C17orf67: variants seen among roughly 807,000 people sequenced by gnomAD.
The protein encoded by C17orf67 is uncharacterized protein C17orf67.
In C17orf67, 12 loss-of-function variants were observed where a neutral mutation model predicts 11.2. That is an observed-to-expected ratio of 1.07 (90% CI 0.68 to 1.73). The LOEUF is 1.73. Ranked by LOEUF, C17orf67 falls within the 40% of genes most tolerant of loss-of-function variation. C17orf67 has a pLI of 0.00. For missense variants in C17orf67, 115 were observed against 113.5 expected (o/e 1.01, Z -0.06); for synonymous variants, 59 against 46.9 (o/e 1.26, Z -1.05).
chr17:56,815,941 G>C lies in C17orf67; in HGVS notation c.-131C>G. 6.6e-7 allele frequency: 1 copy of C among 1,518,688 alleles called. No homozygotes were observed. Among genetic ancestry groups the C allele is most frequent in the South Asian group, 1.2e-5 (1 of 81,968 alleles). 94.1% of individuals were successfully genotyped at this position (1,518,688 alleles called of 1,614,324 possible). ...CGGGACTTACGGTATGATGCTGAAT[G>C]TATCTGACTCTGAGCGTTTTAGTAA... is the stretch of plus-strand genomic sequence containing the variant. On this transcript the variant is annotated 5_prime_UTR_variant, in exon 5 of 8. The change creates a premature stop within an existing upstream ORF in the 5' untranslated region. Coordinates refer to ENST00000397861, the MANE Select transcript of C17orf67 (RefSeq NM_001085430.4).
chr17:56,809,605 A>C (rs532675377), intron 6 of C17orf67, among the ~76,000 whole-genome samples: 48 of 93,828 alleles, frequency 5.1e-4, no homozygotes, highest in East Asian at 3.1e-3. Flanking sequence ...CTCACACACA[A>C]CCCTCACGCG....
At chr17:56,805,220 T>C (rs1905416517) in intron 6 of C17orf67, among the ~76,000 whole-genome samples, 2 of 152,184 alleles carry the variant, frequency 1.3e-5, no homozygotes, top group South Asian at 4.1e-4. Context: ...AAAAACGACA[T>C]CATTTAAGGT....
intron 6 of C17orf67, among the ~76,000 whole-genome samples, chr17:56,809,125 C>T (rs1286861834): frequency 6.6e-6 from 1 of 151,998 alleles, no homozygotes; most frequent in Non-Finnish European, 1.5e-5. Flanking sequence ...TGTTTGTCTC[C>T]TGGGTACCAT....
At chr17:56,807,902 A>ATAAT (rs1442869169) in intron 6 of C17orf67, among the ~76,000 whole-genome samples, 19 of 85,654 alleles carry the variant, frequency 2.2e-4, no homozygotes, top group African/African-American at 7.9e-4. Flanking sequence ...AAATAAATAA[A>ATAAT]TAATAAATAA....
chr17:56,822,434 A>G (rs956030290), intron 4 of C17orf67, among the ~76,000 whole-genome samples: 5 of 152,178 alleles, frequency 3.3e-5, no homozygotes, highest in African/African-American at 1.2e-4. Context: ...GTTGGAGCTG[A>G]GTGACATTGG....
chr17:56,821,250 G>A (rs921602171), intron 4 of C17orf67, among the ~76,000 whole-genome samples: 7 of 151,894 alleles, frequency 4.6e-5, no homozygotes, highest in Non-Finnish European at 5.9e-5. Flanking sequence ...ATAATGTGTC[G>A]ACATTTTTTA....
chr17:56,814,129 C>T (rs1905696655), intron 6 of C17orf67, among the ~76,000 whole-genome samples: 1 of 152,242 alleles, frequency 6.6e-6, no homozygotes, highest in Non-Finnish European at 1.5e-5. Context: ...GGATAAGCAT[C>T]GTGCCCAGAT....
At chr17:56,799,733 A>G (rs559311672) in intron 6 of C17orf67, among the ~76,000 whole-genome samples, 1 of 152,292 alleles carries the variant, frequency 6.6e-6, no homozygotes, top group African/African-American at 2.4e-5. Flanking sequence ...CCTCACCAGC[A>G]TTTGGTGTTG....
At chr17:56,821,054 C>T (rs1340656608) in intron 4 of C17orf67, among the ~76,000 whole-genome samples, 1 of 152,026 alleles carries the variant, frequency 6.6e-6, no homozygotes, top group African/African-American at 2.4e-5. Flanking sequence ...GAACCACAGG[C>T]GTGCACTACC....
intron 6 of C17orf67, among the ~76,000 whole-genome samples, chr17:56,807,774 AC>A: frequency 6.6e-6 from 1 of 151,928 alleles, no homozygotes; most frequent in East Asian, 1.9e-4. Flanking sequence ...TGATGGGGCC[AC>A]TTTGTCTAAA....
At chr17:56,804,468 T>C (rs1307891391) in intron 6 of C17orf67, among the ~76,000 whole-genome samples, 1 of 152,216 alleles carries the variant, frequency 6.6e-6, no homozygotes, top group East Asian at 1.9e-4. Flanking sequence ...GAAGGCTCCG[T>C]CCTAAAGAAA....
intron 6 of C17orf67, 60 bp downstream of exon 6, chr17:56,814,809 A>G: frequency 6.6e-7 from 1 of 1,517,610 alleles, no homozygotes; most frequent in Non-Finnish European, 9.2e-7. Context: ...ACCTAGTTTC[A>G]TAGTGAATGG....
chr17:56,825,492 T>G (rs1906003520), intron 2 of C17orf67, among the ~76,000 whole-genome samples, 171 bp from the exon 3 acceptor site: 1 of 152,222 alleles, frequency 6.6e-6, no homozygotes, highest in African/African-American at 2.4e-5. Context: ...AGATAAAAAT[T>G]TACTTAGCAA....
intron 4 of C17orf67, among the ~76,000 whole-genome samples, chr17:56,816,666 C>T (rs1905769049): frequency 6.6e-6 from 1 of 152,228 alleles, no homozygotes; most frequent in Non-Finnish European, 1.5e-5. Flanking sequence ...TCAGGGACAA[C>T]TCCTCATCTT....
At chr17:56,832,228 G>A (rs1906226803) in intron 2 of C17orf67, among the ~76,000 whole-genome samples, 1 of 152,192 alleles carries the variant, frequency 6.6e-6, no homozygotes, top group Non-Finnish European at 1.5e-5. Context: ...TTACAGGCGT[G>A]AGCCACAGCG....
intron 6 of C17orf67, 144 bp from the exon 7 acceptor site, chr17:56,795,324 C>G (rs1473822744): frequency 8.5e-6 from 6 of 706,264 alleles, no homozygotes; most frequent in African/African-American, 1.7e-5. Flanking sequence ...ACCCATGCCT[C>G]TCTGTAGGGA....
intron 4 of C17orf67, among the ~76,000 whole-genome samples, chr17:56,820,901 G>C (rs1297398132): frequency 6.7e-6 from 1 of 149,360 alleles, no homozygotes; most frequent in Non-Finnish European, 1.5e-5. Context: ...TTAGAGACAA[G>C]AGAACTTCGT....
chr17:56,814,966 G>A lies in C17orf67; in HGVS notation c.59C>T (p.Thr20Ile). The A allele has an allele frequency of 6.2e-7, 1 of 1,613,936 alleles. No individual in the cohort carries two copies. The highest frequency in any genetic ancestry group is 8.5e-7 in the Non-Finnish European group (1 of 1,179,870). ...SLTLLTVFSE[T>I]SPILTEKQAK... ...CTGCTTCTCTGTCAAAATCGGGGAGGTCTCTGGAAAAGTCGGGAAGGTGCC... is the reference window on the plus strand; with the variant it reads ...CTGCTTCTCTGTCAAAATCGGGGAGATCTCTGGAAAAGTCGGGAAGGTGCC... The change falls in exon 6 of 8, where the codon ACC (threonine) becomes ATC (isoleucine). Residue 20 changes from threonine (T) to isoleucine (I), a missense_variant. Transcript: ENST00000397861.
intron 1 of C17orf67, 121 bp from the exon 2 acceptor site, chr17:56,833,463 C>T (rs1906310678): frequency 6.6e-6 from 1 of 151,256 alleles, no homozygotes; most frequent in Non-Finnish European, 1.5e-5. Flanking sequence ...CAGGGGAGGC[C>T]CGCCCGCCAC....
Sources: gnomAD v4.1 joint callset for allele counts (sites outside exome capture counted in the v4.1 genomes callset) on GRCh38, gnomAD v4.1.1 for gene constraint, MANE v1.5 for transcripts, NCBI Gene and HGNC (gene_info 2026-07-23, HGNC 2026-07-21) for gene names.